PRPF18: variants seen among roughly 807,000 people sequenced by gnomAD.
PRPF18 encodes the protein pre-mRNA processing factor 18.
In PRPF18, 38 loss-of-function variants were observed where a neutral mutation model predicts 46.5. That is an observed-to-expected ratio of 0.82 (90% CI 0.63 to 1.07). The LOEUF (loss-of-function observed/expected upper bound fraction) is 1.07, where lower values mean the gene tolerates loss of function less well. Ranked by LOEUF, PRPF18 falls within the 50% of genes least tolerant of loss-of-function variation. The probability of loss-of-function intolerance (pLI) is 0.00; values close to 1 mark genes in which losing one functional copy is unlikely to be tolerated. For missense variants in PRPF18, 263 were observed against 410.0 expected, an observed-to-expected ratio of 0.64 and a Z score of 3.10; for synonymous variants, 152 against 146.7, an observed-to-expected ratio of 1.04 and a Z score of -0.26.
chr10:13,632,892 C>T (rs917022770), downstream of PRPF18: 1 of 152,162 alleles, frequency 6.6e-6, no homozygotes, highest in Non-Finnish European at 1.5e-5. Flanking sequence ...CAATCACAGT[C>T]CTTAGATAAA....
chr10:13,650,853 C>T, the PRPF18 span, among the ~76,000 whole-genome samples: 11 of 152,316 alleles, frequency 7.2e-5, no homozygotes, highest in East Asian at 7.7e-4. Flanking sequence ...CCTCCTCCCA[C>T]GGCAGGCTTC....
At chr10:13,655,733 A>T in the PRPF18 span, 1 of 152,208 alleles carries the variant, frequency 6.6e-6, no homozygotes, top group Non-Finnish European at 1.5e-5. Flanking sequence ...CCTGACTCAG[A>T]GTTCCTCCCA....
the PRPF18 span, chr10:13,646,967 C>A: frequency 1.0e-6 from 1 of 984,360 alleles, no homozygotes; most frequent in South Asian, 4.7e-5. Flanking sequence ...TTTTTCCTGC[C>A]CGTACCACTG....
chr10:13,631,533 A>G (rs149464759), downstream of PRPF18: 1 of 152,388 alleles, frequency 6.6e-6, no homozygotes, highest in African/African-American at 2.4e-5. Flanking sequence ...TTTGTGTTCA[A>G]GCAGAATGCT....
chr10:13,621,859 A>G lies in PRPF18; in HGVS notation c.948+5306A>G, dbSNP rs1287622859. On this transcript the variant is annotated intron_variant, in intron 9 of 9. Transcript: ENST00000378572. Reference sequence around the variant, plus strand: ...TTCCTAGTAAAGACATCATCCCAATATTTTATGTCAATTATTTCAATCCAT... The same window carrying G: ...TTCCTAGTAAAGACATCATCCCAATGTTTTATGTCAATTATTTCAATCCAT... 3.3e-5 allele frequency among the ~76,000 whole-genome samples: 5 copies of G among 152,156 alleles called. No individual in the cohort carries two copies. The East Asian group carries it at 9.6e-4, about 29-fold the overall frequency.
intron 9 of PRPF18, 40 bp from the exon 10 acceptor site, chr10:13,630,220 A>C: frequency 3.4e-6 from 5 of 1,473,866 alleles, no homozygotes. Context: ...GAATAATTTA[A>C]CCATGTCATA....
At chr10:13,615,986 A>G (rs1345524046) in intron 8 of PRPF18, among the ~76,000 whole-genome samples, 1 of 152,160 alleles carries the variant, frequency 6.6e-6, no homozygotes, top group African/African-American at 2.4e-5. Flanking sequence ...TGGACGATGA[A>G]AAACTACTTA....
intron 5 of PRPF18, among the ~76,000 whole-genome samples, chr10:13,610,605 G>A (rs1469350989): frequency 2.0e-5 from 3 of 152,104 alleles, no homozygotes; most frequent in Non-Finnish European, 4.4e-5. Flanking sequence ...TTGCTACATA[G>A]GATTCCATGT....
At position 13,590,440 on chromosome 10, in the gene PRPF18, A is replaced by T. The variant is rs2502219; in HGVS notation, c.66+3288A>T. ...GTGAAACCCCATCTCTACTGAAAAT[A>T]CAAAAAAAAAAAATATATATATATA... On this transcript the variant is annotated intron_variant, in intron 1 of 9. Coordinates refer to ENST00000378572, the MANE Select transcript of PRPF18 (RefSeq NM_003675.4). 5.8e-3 allele frequency among the ~76,000 whole-genome samples: 687 copies of T among 119,212 alleles called. 2 individuals are homozygous for T. The highest frequency in any genetic ancestry group is 0.02 in the African/African-American group (660 of 33,008). 78.2% of individuals were successfully genotyped at this position (119,212 alleles called of 152,430 possible). A position where few individuals can be genotyped will look rare whatever the true frequency, so the allele number is the denominator to read the frequency against.
chr10:13,630,187 C>T (rs998196877), intron 9 of PRPF18, 73 bp from the exon 10 acceptor site: 12 of 1,224,714 alleles, frequency 9.8e-6, no homozygotes, highest in Admixed American at 6.8e-5. Context: ...AAACTGATAA[C>T]GAGTTCAGAG....
rs569117666 is a variant in PRPF18, at chr10:13,604,077, CA to C, written c.250-1553del. Among the ~76,000 whole-genome samples, 465 of 152,286 alleles carry C rather than the reference CA, an allele frequency of 3.1e-3. 2 individuals are homozygous for C. Among genetic ancestry groups the C allele is most frequent in the Non-Finnish European group, 3.1e-3 (208 of 68,032 alleles). On this transcript the variant is annotated intron_variant, in intron 3 of 9. Coordinates refer to ENST00000378572, the MANE Select transcript of PRPF18 (RefSeq NM_003675.4). Reference sequence around the variant, plus strand: ...GTCTAAACAATGGGATGGGATGTTTCACGAAGAAATGTGATTCCTGCCATTT... The same window carrying C: ...GTCTAAACAATGGGATGGGATGTTTCCGAAGAAATGTGATTCCTGCCATTT...
rs2080162659 is a variant in PRPF18 at position 13,604,898 on chromosome 10, T to C, written c.250-733T>C. Among the ~76,000 whole-genome samples the C allele has an allele frequency of 2.0e-5, 3 of 152,216 alleles. 1 individual carries two copies. Among genetic ancestry groups the C allele is most frequent in the South Asian group, 4.1e-4 (2 of 4,834 alleles). ...TTTTTAAAAGAAGACTAAGAACAGT[T>C]ATAATTATGTAAAATGAGGGCCACA... On this transcript the variant is annotated intron_variant, in intron 3 of 9. Transcript: ENST00000378572.
chr10:13,654,516 C>T, the PRPF18 span: 1 of 1,599,058 alleles, frequency 6.3e-7, no homozygotes, highest in Non-Finnish European at 8.6e-7. Context: ...AAGGCAGCTA[C>T]ATGCAGGTGG....
At chr10:13,591,831 G>C (rs1195158451) in intron 1 of PRPF18, 1 of 1,440,910 alleles carries the variant, frequency 6.9e-7, no homozygotes, top group African/African-American at 1.4e-5. Flanking sequence ...GGTGCTTCAG[G>C]AAGACCGCCC....
intron 1 of PRPF18, among the ~76,000 whole-genome samples, chr10:13,593,996 G>A (rs908586327): frequency 2.6e-5 from 4 of 152,174 alleles, no homozygotes; most frequent in Admixed American, 6.5e-5. Context: ...ATTGTTTTGC[G>A]CATGCTATAG....
intron 3 of PRPF18, among the ~76,000 whole-genome samples, chr10:13,601,850 T>C (rs1348492618): frequency 6.6e-6 from 1 of 152,232 alleles, no homozygotes; most frequent in Non-Finnish European, 1.5e-5. Context: ...AGGTATTGTT[T>C]TTAGTAGTAG....
In PRPF18 at chr10:13,586,994, T is replaced by C. The variant is rs540046668; in HGVS notation, c.-93T>C. ...GTTCTCAGGTGTTTGGGCTTGTTGT[T>C]CCGTATACTCAGTGGGTTCGCGGCC... On this transcript the variant is annotated 5_prime_UTR_variant, in exon 1 of 10. Coordinates refer to ENST00000378572, the MANE Select transcript of PRPF18 (RefSeq NM_003675.4). The C allele has an allele frequency of 1.0e-5, 13 of 1,296,266 alleles. No homozygotes were observed. In the South Asian group the frequency reaches 1.5e-4, roughly 15 times the overall value. 80.3% of individuals were successfully genotyped at this position (1,296,266 alleles called of 1,614,324 possible).
chr10:13,635,616 G>A (rs969861140), downstream of PRPF18, among the ~76,000 whole-genome samples: 3 of 152,138 alleles, frequency 2.0e-5, no homozygotes, highest in Admixed American at 2.0e-4. Context: ...GTAGCTTATT[G>A]AGGTTTTGAT....
intron 1 of PRPF18, among the ~76,000 whole-genome samples, chr10:13,587,891 C>T (rs1370847706): frequency 6.6e-6 from 1 of 152,184 alleles, no homozygotes; most frequent in Non-Finnish European, 1.5e-5. Context: ...GGGCAACTTA[C>T]ACTCACGGCC....
Sources: allele counts gnomAD v4.1 joint callset (sites outside exome capture counted in the v4.1 genomes callset), GRCh38; gene constraint gnomAD v4.1.1; transcripts MANE v1.5; gene names NCBI Gene and HGNC (gene_info 2026-07-23, HGNC 2026-07-21).